DNAH1: variants seen among roughly 807,000 people sequenced by gnomAD.
DNAH1 encodes axonemal beta dynein heavy chain 1.
In DNAH1, 327 loss-of-function variants were observed where a neutral mutation model predicts 484.3. The observed-to-expected ratio is 0.68, with a 90% CI of 0.62 to 0.74. The LOEUF (loss-of-function observed/expected upper bound fraction) is 0.74, where lower values mean the gene tolerates loss of function less well. Among genes scored for constraint, DNAH1 ranks in the 30% least tolerant of loss-of-function variants. The probability of loss-of-function intolerance (pLI) is 0.00; values close to 1 mark genes in which losing one functional copy is unlikely to be tolerated. For synonymous variants in DNAH1, 2,192 were observed against 2,191.9 expected, an observed-to-expected ratio of 1.00 and a Z score of 0.00; for missense variants, 5,052 against 5,546.8, an observed-to-expected ratio of 0.91 and a Z score of 2.83.
chr3:52,393,372 C>T lies in DNAH1; in HGVS notation c.10513C>T (p.Leu3505=). ...KKRISNINRY[L]TYSLYSNVCR... The stretch of plus-strand genomic sequence containing the variant: ...GCGCATCTCCAACATCAACCGCTAC[C>T]TGACCTACAGCCTCTACAGCAACGT... The change falls in exon 66 of 78, where the codon CTG becomes TTG. Residue 3505 remains leucine (L), a synonymous_variant. Transcript: ENST00000420323. The T allele has an allele frequency of 6.2e-7, 1 of 1,614,022 alleles. No individual in the cohort carries two copies. The highest frequency in any genetic ancestry group is 1.1e-5 in the South Asian group (1 of 91,088).
intron 1 of DNAH1, chr3:52,321,534 C>T (rs1701148476): frequency 6.6e-6 from 1 of 152,182 alleles, no homozygotes; most frequent in African/African-American, 2.4e-5. Context: ...TTGTCATGTT[C>T]TCCTGCCCAA....
In DNAH1 at chr3:52,322,629, C is replaced by T. The variant is rs1005140482; in HGVS notation, c.187C>T (p.Pro63Ser). 23 of 1,613,658 alleles carry T rather than the reference C, an allele frequency of 1.4e-5. No individual in the cohort carries two copies. The highest frequency in any genetic ancestry group is 1.5e-5 in the Non-Finnish European group (18 of 1,179,824). ...CCTTGACCCCAAGCTCCCACATTTA[C>T]CCCTGCCCCCGGCCCCACCCACACT... ...PALDPKLPHL[P>S]LPPAPPTLSD... Residue 63 changes from proline to serine, a missense_variant, in exon 2 of 78, where the codon CCC becomes TCC. Physicochemically the swap from Pro to Ser is moderately conservative, Grantham distance 74. This residue lies in a region of DNAH1 where 1,263 missense variants were observed against 1,218.8 expected (regional missense o/e 1.04). Coordinates refer to ENST00000420323, the MANE Select transcript of DNAH1 (RefSeq NM_015512.5).
At chr3:52,373,352 G>A (rs1373966075) in intron 44 of DNAH1, among the ~76,000 whole-genome samples, 2 of 152,172 alleles carry the variant, frequency 1.3e-5, no homozygotes, top group Middle Eastern at 3.2e-3. Flanking sequence ...CGCTGCTGCT[G>A]CGGGGGCAGG....
chr3:52,385,177 TG>T (rs1446701766), intron 53 of DNAH1, among the ~76,000 whole-genome samples, 159 bp from the exon 54 acceptor site: 1 of 152,162 alleles, frequency 6.6e-6, no homozygotes, highest in Non-Finnish European at 1.5e-5. Context: ...CACAGATATT[TG>T]GGGGACTGAT....
chr3:52,396,269 C>T (rs992968364), intron 70 of DNAH1, 99 bp from the exon 71 acceptor site: 92 of 1,360,092 alleles, frequency 6.8e-5, no homozygotes, highest in East Asian at 1.5e-4. Context: ...TGTGCAGCCT[C>T]GCCTGACCCA....
At chr3:52,350,863 T>C (rs1157073462) in intron 16 of DNAH1, among the ~76,000 whole-genome samples, 1 of 152,214 alleles carries the variant, frequency 6.6e-6, no homozygotes, top group Non-Finnish European at 1.5e-5. Context: ...GCTTGTTGTT[T>C]TTTGAAACAG....
intron 3 of DNAH1, among the ~76,000 whole-genome samples, chr3:52,325,891 G>C (rs1701319402): frequency 1.3e-5 from 2 of 152,188 alleles, no homozygotes; most frequent in African/African-American, 4.8e-5. Context: ...GGTCAAGCAT[G>C]CTGGCTCTGG....
At chr3:52,390,900 A>G (rs958953002) in intron 60 of DNAH1, 35 bp from the exon 61 acceptor site, 6 of 1,550,228 alleles carry the variant, frequency 3.9e-6, no homozygotes, top group African/African-American at 1.4e-5. Context: ...CTTGCAGGAA[A>G]GCTCTGACCC....
In DNAH1 at chr3:52,353,367, T is replaced by C; in HGVS notation, c.3227-13T>C. On this transcript the variant is annotated splice_polypyrimidine_tract_variant and intron_variant, in intron 19 of 77. Transcript: ENST00000420323. The surrounding 1 kb of genome is among the most constrained non-coding windows in gnomAD (Gnocchi z 5.0). Reference sequence around the variant, plus strand: ...GCCGCCTGCCTCTCATGCGTTTCTGTCTTACCCGGCAGCCTGCCAGGAAGT... The same window carrying C: ...GCCGCCTGCCTCTCATGCGTTTCTGCCTTACCCGGCAGCCTGCCAGGAAGT... 1 of 1,609,250 alleles carries C rather than the reference T, an allele frequency of 6.2e-7. No individual in the cohort carries two copies. The highest frequency in any genetic ancestry group is 8.5e-7 in the Non-Finnish European group (1 of 1,176,480).
rs1319335288 is a variant in DNAH1 at position 52,322,651 on chromosome 3, C to T, written c.209C>T (p.Thr70Ile). ...PHLPLPPAPP[T>I]LSDLGQPRKS... ...TTACCCCTGCCCCCGGCCCCACCCACACTCTCAGACTTGGGGCAGCCACGG... is the reference window on the plus strand; with the variant it reads ...TTACCCCTGCCCCCGGCCCCACCCATACTCTCAGACTTGGGGCAGCCACGG... Residue 70 changes from threonine (T) to isoleucine (I), a missense_variant, in exon 2 of 78, where the codon ACA (threonine) becomes ATA (isoleucine). By Grantham distance (89) the Thr-to-Ile change is moderately conservative (BLOSUM62 -1). Around this residue, in one of 4 missense-constraint regions of DNAH1, gnomAD observed 1,263 missense variants for 1,218.8 expected, o/e 1.04. Coordinates refer to ENST00000420323, the MANE Select transcript of DNAH1 (RefSeq NM_015512.5). 2 of 1,613,828 alleles carry T rather than the reference C, an allele frequency of 1.2e-6. No homozygotes were observed. The highest frequency in any genetic ancestry group is 2.7e-5 in the African/African-American group (2 of 74,912).
Position 52,395,463 on chromosome 3 carries a change from G to A in DNAH1, c.11124G>A (p.Gly3708=). 6.2e-7 allele frequency: 1 copy of A among 1,613,940 alleles called. No individual in the cohort carries two copies. Among genetic ancestry groups the A allele is most frequent in the African/African-American group, 1.3e-5 (1 of 75,084 alleles). The part of the protein sequence containing the change: ...KKLSAISLGQ[G]QGPRAEAMMR... ...TCTCTGCCATCTCCCTGGGCCAGGG[G>A]CAGGTCAGGGCTAGGCAGGGAGGAA... Residue 3708 remains glycine, a synonymous_variant, in exon 69 of 78, where the codon GGG becomes GGA. Transcript: ENST00000420323. The surrounding 1 kb of genome is among the most constrained non-coding windows in gnomAD (Gnocchi z 4.4).
Position 52,326,232 on chromosome 3 carries a change from C to G in DNAH1, c.499C>G (p.Pro167Ala), listed in dbSNP as rs200602929. The stretch of plus-strand genomic sequence containing the variant: ...CCGGCTGCTCGCCCAGACTGACTTC[C>G]CACTGCAGGCCTACGAGCCCAAGAT... ...TTRLLAQTDF[P>A]LQAYEPKMQV... Residue 167 changes from proline (P) to alanine (A), a missense_variant, in exon 4 of 78, where the codon CCA becomes GCA. Physicochemically the swap from Pro to Ala is conservative, Grantham distance 27. Transcript: ENST00000420323. The G allele has an allele frequency of 9.3e-6, 15 of 1,613,152 alleles. No homozygotes were observed. The East Asian group carries it at 3.3e-4, about 36-fold the overall frequency.
Position 52,368,792 on chromosome 3 carries a change from C to A in DNAH1, c.5817C>A (p.Asp1939Glu). The part of the protein sequence containing the change: ...SFIRAGAITS[D>E]TNKKWYMFDG... The stretch of plus-strand genomic sequence containing the variant: ...TCCGGGCGGGGGCCATCACCTCCGA[C>A]ACCAACAAGAAGTGGTACATGTTCG... Residue 1939 changes from aspartate (D) to glutamate (E), a missense_variant, in exon 37 of 78, where the codon GAC (aspartate) becomes GAA (glutamate). By Grantham distance (45) the Asp-to-Glu change is conservative. Coordinates refer to ENST00000420323, the MANE Select transcript of DNAH1 (RefSeq NM_015512.5). The surrounding 1 kb of genome is among the most constrained non-coding windows in gnomAD (Gnocchi z 4.4). 6.2e-7 allele frequency: 1 copy of A among 1,614,028 alleles called. No individual in the cohort carries two copies. The highest frequency in any genetic ancestry group is 8.5e-7 in the Non-Finnish European group (1 of 1,179,896).
chr3:52,311,883 C>T (rs921538829), upstream of DNAH1, among the ~76,000 whole-genome samples: 16 of 152,216 alleles, frequency 1.1e-4, no homozygotes, highest in African/African-American at 3.6e-4. Context: ...CCGCCAAAGC[C>T]GGGCATACAA....
At chr3:52,313,708 C>G (rs1379490382), upstream of DNAH1, among the ~76,000 whole-genome samples, 2 of 152,152 alleles carry the variant, frequency 1.3e-5, no homozygotes, top group Non-Finnish European at 2.9e-5. Flanking sequence ...GGAACAAACC[C>G]TTCCTTACTG....
In DNAH1 at chr3:52,353,622, G is replaced by A. The variant is rs761120992; in HGVS notation, c.3469G>A (p.Ala1157Thr). 1.4e-5 allele frequency: 23 copies of A among 1,590,580 alleles called. No individual in the cohort carries two copies. Among genetic ancestry groups the A allele is most frequent in the Admixed American group, 5.3e-5 (3 of 56,174 alleles). Residue 1157 changes from alanine to threonine, a missense_variant, in exon 20 of 78, where the codon GCC becomes ACC. By Grantham distance (58) the Ala-to-Thr change is moderately conservative. This residue lies in a region of DNAH1 where 2,929 missense variants were observed against 3,409.4 expected (regional missense o/e 0.86). Coordinates refer to ENST00000420323, the MANE Select transcript of DNAH1 (RefSeq NM_015512.5). This position sits in a 1 kb window ranked among gnomAD's most constrained non-coding sequence, Gnocchi z 5.0. ...GGCTGAGGTGGCTGGCAAGGAGTAC[G>A]CCATCGAGCAGGTGGGTAGCCACCA... is the stretch of plus-strand genomic sequence containing the variant. Reference protein sequence around the residue: ...KVAEVAGKEYAIEQALDKMEK... With the variant: ...KVAEVAGKEYTIEQALDKMEK...
Position 52,399,054 on chromosome 3 carries a change from C to G in DNAH1, c.12294C>G (p.Asp4098Glu). 1 of 1,614,090 alleles carries G rather than the reference C, an allele frequency of 6.2e-7. No homozygotes were observed. Among genetic ancestry groups the G allele is most frequent in the Non-Finnish European group, 8.5e-7 (1 of 1,179,906 alleles). Residue 4098 changes from aspartate (D) to glutamate (E), a missense_variant, in exon 76 of 78, where the codon GAC (aspartate) becomes GAG (glutamate). By Grantham distance (45) the Asp-to-Glu change is conservative. Transcript: ENST00000420323. ...TCATGGACCTGCTGCAACGCCTGGA[C>G]TTTCTGCAGGCCTGGATCCAAGATG... ...SWVMDLLQRL[D>E]FLQAWIQDGI...
chr3:52,342,872 G>T (rs1702000657), intron 8 of DNAH1, among the ~76,000 whole-genome samples: 1 of 152,212 alleles, frequency 6.6e-6, no homozygotes, highest in African/African-American at 2.4e-5. Flanking sequence ...TGAAGGGAGA[G>T]AACTGCAGAT....
intron 63 of DNAH1, 113 bp from the exon 64 acceptor site, chr3:52,392,351 G>A: frequency 1.1e-6 from 1 of 952,290 alleles, no homozygotes; most frequent in Non-Finnish European, 1.6e-6. Flanking sequence ...ACACTGGCAA[G>A]GATGCTGGGC....
Sources: allele counts gnomAD v4.1 joint callset (sites outside exome capture counted in the v4.1 genomes callset), GRCh38; gene constraint gnomAD v4.1.1; regional missense constraint gnomAD v4.1.1; non-coding constraint Gnocchi (gnomAD v3.1); transcripts MANE v1.5; gene names NCBI Gene and HGNC (gene_info 2026-07-23, HGNC 2026-07-21).